Variants in ATG10 observed in about 807,000 individuals in gnomAD.
ATG10 encodes ubiquitin-like-conjugating enzyme ATG10.
Under a neutral mutation model 32.1 loss-of-function variants are expected in ATG10, and 30 were observed. That is an observed-to-expected ratio of 0.94 (90% CI 0.70 to 1.27). ATG10 has a LOEUF of 1.27. Among genes scored for constraint, ATG10 ranks in the 50% most tolerant of loss-of-function variants. The probability of loss-of-function intolerance (pLI) is 0.00; values close to 1 mark genes in which losing one functional copy is unlikely to be tolerated. For synonymous variants in ATG10, 87 were observed against 91.5 expected, an observed-to-expected ratio of 0.95 and a Z score of 0.28; for missense variants, 233 against 262.3, an observed-to-expected ratio of 0.89 and a Z score of 0.77.
chr5:82,169,755 T>A (rs1471114060), intron 4 of ATG10, among the ~76,000 whole-genome samples: 1 of 152,164 alleles, frequency 6.6e-6, no homozygotes, highest in Non-Finnish European at 1.5e-5. Context: ...ATTCTAGGGA[T>A]TGAAATGAAT....
In ATG10 at chr5:82,132,717, G is replaced by A. The variant is rs1456397307; in HGVS notation, c.217-31682G>A. ...GTGAAAAGTGCTGCAATAAACATACGTGTGTGTGTGTCTTTATAGCAGCAT... is the reference window on the plus strand; with the variant it reads ...GTGAAAAGTGCTGCAATAAACATACATGTGTGTGTGTCTTTATAGCAGCAT... On this transcript the variant is annotated intron_variant, in intron 3 of 7. Transcript: ENST00000282185. Among the ~76,000 whole-genome samples, 7 of 151,980 alleles carry A rather than the reference G, an allele frequency of 4.6e-5. No homozygotes were observed. The South Asian group carries it at 6.2e-4, about 14-fold the overall frequency.
chr5:82,251,633 G>C (rs1179073892), intron 5 of ATG10, among the ~76,000 whole-genome samples: 2 of 152,078 alleles, frequency 1.3e-5, no homozygotes, highest in African/African-American at 4.8e-5. Context: ...TATCCCCTTA[G>C]GTCACCTGCT....
At chr5:82,025,638 C>T (rs970861903) in intron 2 of ATG10, among the ~76,000 whole-genome samples, 1 of 152,070 alleles carries the variant, frequency 6.6e-6, no homozygotes, top group African/African-American at 2.4e-5. Context: ...CTCAGTATGC[C>T]GGTAGTCATA....
intron 3 of ATG10, among the ~76,000 whole-genome samples, chr5:82,087,561 T>A (rs540800642): frequency 1.3e-5 from 2 of 152,282 alleles, no homozygotes; most frequent in East Asian, 3.9e-4. Context: ...TCAGCAAATA[T>A]TACTGACTTC....
chr5:81,985,824 G>A (rs949494106), intron 1 of ATG10, among the ~76,000 whole-genome samples: 2 of 152,276 alleles, frequency 1.3e-5, no homozygotes, highest in Non-Finnish European at 2.9e-5. Context: ...GTGCAGTGGC[G>A]CGATCTCGGC....
intron 5 of ATG10, among the ~76,000 whole-genome samples, chr5:82,217,069 A>G (rs566394439): frequency 6.7e-5 from 10 of 149,606 alleles, no homozygotes; most frequent in Non-Finnish European, 1.0e-4. Flanking sequence ...AAAAAAAATG[A>G]CGATGGTAGC....
chr5:82,187,771 A>G (rs1744510879), intron 5 of ATG10, among the ~76,000 whole-genome samples: 1 of 151,886 alleles, frequency 6.6e-6, no homozygotes, highest in African/African-American at 2.4e-5. Flanking sequence ...TATTTTTAGT[A>G]GAGACGGGGT....
chr5:81,987,161 C>T (rs184807680), intron 1 of ATG10, among the ~76,000 whole-genome samples: 34 of 152,232 alleles, frequency 2.2e-4, no homozygotes, highest in Admixed American at 1.2e-3. Flanking sequence ...ATCACTCTGT[C>T]GCCCAGGCTG....
intron 3 of ATG10, among the ~76,000 whole-genome samples, chr5:82,092,699 C>G (rs1402585993): frequency 3.3e-5 from 5 of 152,182 alleles, no homozygotes; most frequent in Non-Finnish European, 7.3e-5. Flanking sequence ...AGCTTATGCT[C>G]CAGAGCTCAT....
intron 5 of ATG10, among the ~76,000 whole-genome samples, chr5:82,201,489 G>T (rs1745067727): frequency 6.6e-6 from 1 of 152,140 alleles, no homozygotes; most frequent in African/African-American, 2.4e-5. Flanking sequence ...TGGACTCTCT[G>T]TTCTGTTTCA....
intron 1 of ATG10, among the ~76,000 whole-genome samples, chr5:81,976,914 C>T (rs543232450): frequency 3.9e-5 from 6 of 152,102 alleles, no homozygotes; most frequent in Non-Finnish European, 5.9e-5. Context: ...CTTGTTGTGT[C>T]GCCCAGGCTG....
At chr5:82,056,359 C>T (rs1581642895) in intron 2 of ATG10, among the ~76,000 whole-genome samples, 1 of 150,692 alleles carries the variant, frequency 6.6e-6, no homozygotes, top group East Asian at 1.9e-4. Context: ...TGTGGTTTCT[C>T]TGTATCTCAT....
At chr5:81,993,230 A>G (rs1761512025) in intron 2 of ATG10, among the ~76,000 whole-genome samples, 3 of 151,960 alleles carry the variant, frequency 2.0e-5, no homozygotes, top group Admixed American at 6.6e-5. Flanking sequence ...CTTACTTTAT[A>G]TGGTTGTTGT....
At chr5:82,026,252 T>G (rs992172600) in intron 2 of ATG10, among the ~76,000 whole-genome samples, 1 of 152,222 alleles carries the variant, frequency 6.6e-6, no homozygotes, top group Admixed American at 6.5e-5. Flanking sequence ...CTTTTGTGAC[T>G]GGCTTGTTTC....
At chr5:82,013,300 G>T (rs1319110693) in intron 2 of ATG10, among the ~76,000 whole-genome samples, 4 of 152,100 alleles carry the variant, frequency 2.6e-5, no homozygotes, top group Non-Finnish European at 4.4e-5. Flanking sequence ...GCTCCCACTT[G>T]TGAGTGAGAA....
chr5:82,198,012 G>A (rs977710274), intron 5 of ATG10, among the ~76,000 whole-genome samples: 3 of 152,138 alleles, frequency 2.0e-5, no homozygotes, highest in African/African-American at 7.2e-5. Flanking sequence ...ACTTTAGAGT[G>A]AAATATGAGG....
intron 2 of ATG10, among the ~76,000 whole-genome samples, chr5:82,042,259 G>A (rs1456407638): frequency 1.3e-5 from 2 of 152,146 alleles, no homozygotes; most frequent in Non-Finnish European, 2.9e-5. Flanking sequence ...GAGAGAGAGA[G>A]AGCAAGAGTA....
intron 2 of ATG10, among the ~76,000 whole-genome samples, chr5:82,026,097 A>C (rs1362420951): frequency 6.6e-6 from 1 of 152,000 alleles, no homozygotes; most frequent in African/African-American, 2.4e-5. Flanking sequence ...AGAACTTTCC[A>C]TTTTCCCCAC....
At chr5:82,242,837 CAAAG>C (rs770756849) in intron 5 of ATG10, 7 of 450,554 alleles carry the variant, frequency 1.6e-5, no homozygotes, top group South Asian at 1.1e-4. Flanking sequence ...ATTTCAGTGA[CAAAG>C]AATATTATCC....
Sources: gnomAD v4.1 joint callset for allele counts (sites outside exome capture counted in the v4.1 genomes callset) on GRCh38, gnomAD v4.1.1 for gene constraint, MANE v1.5 for transcripts, NCBI Gene and HGNC (gene_info 2026-07-23, HGNC 2026-07-21) for gene names.